Variants in MIA2 observed in about 807,000 individuals in gnomAD.
MIA2 encodes melanoma inhibitory activity protein 2.
MIA2 carries 127 observed loss-of-function variants against 167.8 expected under a neutral mutation model. The observed-to-expected ratio is 0.76, with a 90% confidence interval of 0.66 to 0.88. The LOEUF (loss-of-function observed/expected upper bound fraction) is 0.88, where lower values mean the gene tolerates loss of function less well. Ranked by LOEUF, MIA2 falls within the 40% of genes least tolerant of loss-of-function variation. The pLI, the probability that MIA2 is intolerant of heterozygous loss-of-function variation, is 0.00. For synonymous variants in MIA2, 552 were observed against 541.9 expected (o/e 1.02, Z -0.26); for missense variants, 1,690 against 1,624.7 (o/e 1.04, Z -0.69).
At chr14:39,333,406 G>T (rs1325838625) in intron 25 of MIA2, among the ~76,000 whole-genome samples, 2 of 152,162 alleles carry the variant, frequency 1.3e-5, no homozygotes, top group Non-Finnish European at 2.9e-5. Flanking sequence ...GCTTAAATTT[G>T]CCATACACAT....
Position 39,350,158 on chromosome 14 carries a change from T to TG in MIA2, c.4133_4134insG (p.Phe1378LeufsTer8). Reference sequence around the variant, plus strand: ...TACCTTCCCCCAAGACCTGGATTTTTCCCCCCACCCCCACATTCTGAAGGT... The same window carrying TG: ...TACCTTCCCCCAAGACCTGGATTTTTGCCCCCCACCCCCACATTCTGAAGGT... On this transcript the variant is annotated frameshift_variant, in exon 29 of 29. Transcript: ENST00000640607. LOFTEE classifies it high-confidence loss of function. 2.1e-6 allele frequency: 3 copies of TG among 1,411,084 alleles called. No individual in the cohort carries two copies. The highest frequency in any genetic ancestry group is 2.9e-6 in the Non-Finnish European group (3 of 1,031,244). The allele number at this position is 1,411,084 out of a possible 1,614,324, so 87.4% of individuals were successfully genotyped here. A position where few individuals can be genotyped will look rare whatever the true frequency, so the allele number is the denominator to read the frequency against.
chr14:39,322,282 C>A (rs993558626), intron 24 of MIA2, among the ~76,000 whole-genome samples: 3 of 152,036 alleles, frequency 2.0e-5, no homozygotes, highest in African/African-American at 4.8e-5. Flanking sequence ...GTGGCTCATG[C>A]CTGTAATCCC....
intron 25 of MIA2, among the ~76,000 whole-genome samples, chr14:39,336,750 TAAA>T (rs1187311206): frequency 6.6e-6 from 1 of 152,284 alleles, no homozygotes; most frequent in African/African-American, 2.4e-5. Context: ...AAAAATTTAT[TAAA>T]AAATTTTTTT....
At chr14:39,302,358 TTCTG>T (rs879152533) in intron 15 of MIA2, 109 bp downstream of exon 15, 29 of 1,285,586 alleles carry the variant, frequency 2.3e-5, no homozygotes, top group African/African-American at 7.4e-5. Context: ...CTTTGGCACA[TTCTG>T]TCTGTCTGTG....
In MIA2 at chr14:39,308,537, A is replaced by C. The variant is rs1419945458; in HGVS notation, c.2967A>C (p.Lys989Asn). 6.3e-7 allele frequency: 1 copy of C among 1,575,388 alleles called. No homozygotes were observed. Among genetic ancestry groups the C allele is most frequent in the African/African-American group, 1.4e-5 (1 of 73,086 alleles). The change falls in exon 18 of 29, where the codon AAA becomes AAC. Residue 989 changes from lysine to asparagine, a missense_variant. Physicochemically the swap from Lys to Asn is moderately conservative, Grantham distance 94. Coordinates refer to ENST00000640607, the MANE Select transcript of MIA2 (RefSeq NM_001329214.4). The part of the protein sequence containing the change: ...FENENQKLQQ[K>N]LKVMTELYQE... ...ATGAGAATCAGAAGCTTCAACAGAA[A>C]CTTAAAGTAATGACTGAATTATATC...
intron 25 of MIA2, among the ~76,000 whole-genome samples, chr14:39,332,213 T>C (rs1344172099): frequency 1.3e-5 from 2 of 152,224 alleles, no homozygotes; most frequent in Non-Finnish European, 2.9e-5. Context: ...CTGATATCCT[T>C]TCTTCCGACT....
chr14:39,244,655 TAA>T (rs900214250), intron 3 of MIA2, among the ~76,000 whole-genome samples: 1 of 151,302 alleles, frequency 6.6e-6, no homozygotes. Flanking sequence ...ACATTCAGAT[TAA>T]AAAAAAAGTC....
rs953461744 is a variant in MIA2 at position 39,267,379 on chromosome 14, A to T, written c.1888-9555A>T. ...GGGTGCGGATTCGGGTTCCGGACCG[A>T]AGGCTGTGTGTTCTCCGCCGTTTAT... On this transcript the variant is annotated intron_variant, in intron 6 of 28. Coordinates refer to ENST00000640607, the MANE Select transcript of MIA2 (RefSeq NM_001329214.4). The T allele has an allele frequency of 3.1e-6, 5 of 1,600,120 alleles. No individual in the cohort carries two copies. In the African/African-American group the frequency reaches 5.4e-5, roughly 17 times the overall value.
chr14:39,367,270 T>A (rs192244621), intron 23 of MIA2, among the ~76,000 whole-genome samples: 1 of 152,294 alleles, frequency 6.6e-6, no homozygotes, highest in African/African-American at 2.4e-5. Context: ...ACTATGCCAC[T>A]GCAGTCATTC....
rs117084519 is a variant in MIA2 at position 39,250,956 on chromosome 14, C to T, written c.1568-1792C>T. 7.3e-4 allele frequency among the ~76,000 whole-genome samples: 111 copies of T among 151,830 alleles called. 1 individual carries two copies. Among genetic ancestry groups the T allele is most frequent in the Admixed American group, 2.8e-3 (42 of 15,262 alleles). ...AATAAGAATTGAATGAAAAGCAACA[C>T]GAGATCATGCAAAAATTTGTTTTTA... is the stretch of plus-strand genomic sequence containing the variant. On this transcript the variant is annotated intron_variant, in intron 4 of 28. Transcript: ENST00000640607.
Position 39,386,857 on chromosome 14 carries a change from C to A in MIA2, c.2249-28C>A, listed in dbSNP as rs752684900. ...GCAACTCGTCTCTCTTCTACTTTAA[C>A]TCTGAGGCGGTCGTTCTCTCTCACC... is the stretch of plus-strand genomic sequence containing the variant. On this transcript the variant is annotated intron_variant, in intron 23 of 23. Transcript: ENST00000341502. 32 of 866,304 alleles carry A rather than the reference C, an allele frequency of 3.7e-5. No homozygotes were observed. In the South Asian group the frequency reaches 4.1e-4, roughly 11 times the overall value. The allele number at this position is 866,304 out of a possible 1,614,324, so 53.7% of individuals were successfully genotyped here. A position where few individuals can be genotyped will look rare whatever the true frequency, so the allele number is the denominator to read the frequency against.
intron 13 of MIA2, among the ~76,000 whole-genome samples, chr14:39,298,796 T>A (rs912622705): frequency 1.1e-4 from 16 of 151,422 alleles, no homozygotes; most frequent in Non-Finnish European, 1.6e-4. Context: ...TGAGAATTCC[T>A]TTCTTGGTGG....
chr14:39,369,612 C>A lies in MIA2; in HGVS notation c.2249-17273C>A, dbSNP rs551215009. Among the ~76,000 whole-genome samples, 399 of 152,250 alleles carry A rather than the reference C, an allele frequency of 2.6e-3. 1 individual carries two copies. The highest frequency in any genetic ancestry group is 4.2e-3 in the Non-Finnish European group (288 of 68,016). ...TCCTCTCCTCCAAAAAAATGGAAAA[C>A]CTCTTATTTGTTGGTGGCCTCCTTT... On this transcript the variant is annotated intron_variant, in intron 23 of 23. Coordinates refer to the MIA2 transcript ENST00000341502.
downstream of MIA2, among the ~76,000 whole-genome samples, chr14:39,354,580 C>G (rs1258775211): frequency 6.6e-6 from 1 of 152,152 alleles, no homozygotes; most frequent in Non-Finnish European, 1.5e-5. Context: ...TCCCATTTGG[C>G]AATTTTGGCT....
At chr14:39,309,492 C>G (rs945428669) in intron 18 of MIA2, among the ~76,000 whole-genome samples, 2 of 152,148 alleles carry the variant, frequency 1.3e-5, no homozygotes, top group South Asian at 4.1e-4. Context: ...TGTGCTTGTT[C>G]CTTCTGCCTG....
intron 9 of MIA2, among the ~76,000 whole-genome samples, chr14:39,288,807 T>C (rs1350940074): frequency 2.0e-5 from 3 of 152,090 alleles, no homozygotes; most frequent in East Asian, 3.9e-4. Context: ...TAAATACCAC[T>C]TGATCCCAAT....
rs748830490 is a variant in MIA2 at position 39,294,041 on chromosome 14, G to C, written c.2361G>C (p.Glu787Asp). 4.7e-5 allele frequency: 75 copies of C among 1,612,048 alleles called. 2 individuals carry two copies. The South Asian group carries it at 7.9e-4, about 17-fold the overall frequency. Residue 787 changes from glutamate to aspartate, a missense_variant, in exon 12 of 29, where the codon GAG (glutamate) becomes GAC (aspartate). Physicochemically the swap from Glu to Asp is conservative, Grantham distance 45. Transcript: ENST00000640607. Reference protein sequence around the residue: ...ISKRIQSLEDESKSLKSQVAE... With the variant: ...ISKRIQSLEDDSKSLKSQVAE... ...AAAGGATACAGTCTCTAGAAGATGA[G>C]TCAAAATCCCTCAAATCACAAGTAG...
At chr14:39,360,596 C>T (rs1171291717) in intron 23 of MIA2, among the ~76,000 whole-genome samples, 1 of 151,970 alleles carries the variant, frequency 6.6e-6, no homozygotes, top group Non-Finnish European at 1.5e-5. Context: ...CCCATTCAAC[C>T]ACTTGTCTCT....
intron 23 of MIA2, chr14:39,370,429 A>G: frequency 4.2e-6 from 1 of 240,950 alleles, no homozygotes. Flanking sequence ...CAAACTCTCC[A>G]TTGAGGTATG....
Sources: gnomAD v4.1 joint callset for allele counts (sites outside exome capture counted in the v4.1 genomes callset) on GRCh38, gnomAD v4.1.1 for gene constraint, MANE v1.5 for transcripts, NCBI Gene and HGNC (gene_info 2026-07-23, HGNC 2026-07-21) for gene names.